LRRC40: variants seen among roughly 807,000 people sequenced by gnomAD.
The protein encoded by LRRC40 is leucine rich repeat containing 40.
A neutral mutation model predicts 72.8 loss-of-function variants in LRRC40; 76 were observed. The observed-to-expected ratio is 1.04, with a 90% CI of 0.87 to 1.26. The LOEUF (loss-of-function observed/expected upper bound fraction) is 1.26. Ranked by LOEUF, LRRC40 falls within the 50% of genes most tolerant of loss-of-function variation. The pLI, the probability that LRRC40 is intolerant of heterozygous loss-of-function variation, is 0.00. For missense variants in LRRC40, 684 were observed against 698.9 expected, an observed-to-expected ratio of 0.98 and a Z score of 0.24; for synonymous variants, 243 against 254.2, an observed-to-expected ratio of 0.96 and a Z score of 0.42.
rs754252255 is a variant in LRRC40, at chr1:70,205,479, C to T, written c.62G>A (p.Arg21Lys). Residue 21 changes from arginine (R) to lysine (K), a missense_variant, in exon 1 of 15, where the codon AGA (arginine) becomes AAA (lysine). Coordinates refer to ENST00000370952, the MANE Select transcript of LRRC40 (RefSeq NM_017768.5). ...DLRAGFKAGG[R>K]DCGTSVPQGL... ...TTGGGGTACCGAGGTACCGCAGTCT[C>T]TTCCACCTGCTTTGAAACCAGCGCG... 2 of 1,609,066 alleles carry T rather than the reference C, an allele frequency of 1.2e-6. No homozygotes were observed. Among genetic ancestry groups the T allele is most frequent in the Admixed American group, 1.7e-5 (1 of 59,928 alleles).
chr1:70,204,076 C>A (rs1233914360), intron 1 of LRRC40, among the ~76,000 whole-genome samples: 2 of 152,182 alleles, frequency 1.3e-5, no homozygotes, highest in African/African-American at 4.8e-5. Flanking sequence ...TCATCACGGA[C>A]CTAAGAGTCA....
At chr1:70,146,787 T>C (rs1423952057) in intron 14 of LRRC40, among the ~76,000 whole-genome samples, 3 of 152,192 alleles carry the variant, frequency 2.0e-5, no homozygotes, top group Admixed American at 1.3e-4. Flanking sequence ...TTTGAGCAGA[T>C]ACACATATAT....
intron 2 of LRRC40, 57 bp downstream of exon 2, chr1:70,189,035 A>C: frequency 6.8e-7 from 1 of 1,479,420 alleles, no homozygotes; most frequent in Non-Finnish European, 9.1e-7. Flanking sequence ...CCAAAGCCTA[A>C]ATTTAGCTTT....
At chr1:70,172,574 G>C (rs1241787881) in intron 9 of LRRC40, among the ~76,000 whole-genome samples, 2 of 152,080 alleles carry the variant, frequency 1.3e-5, no homozygotes, top group Non-Finnish European at 2.9e-5. Flanking sequence ...TGATCAGTCT[G>C]ACATGACCTC....
intron 9 of LRRC40, among the ~76,000 whole-genome samples, chr1:70,170,412 A>G (rs560954377): frequency 6.6e-6 from 1 of 152,322 alleles, no homozygotes; most frequent in African/African-American, 2.4e-5. Flanking sequence ...AAAGGAATAA[A>G]AGGCATCCAG....
chr1:70,196,167 A>C (rs910317333), intron 1 of LRRC40, among the ~76,000 whole-genome samples: 1 of 152,214 alleles, frequency 6.6e-6, no homozygotes, highest in Non-Finnish European at 1.5e-5. Context: ...CATAACAGCC[A>C]AAAACTGGAA....
In LRRC40 at chr1:70,193,403, G is replaced by GA. The variant is rs546815869; in HGVS notation, c.152-4131dup. On this transcript the variant is annotated intron_variant, in intron 1 of 14. Coordinates refer to ENST00000370952, the MANE Select transcript of LRRC40 (RefSeq NM_017768.5). ...ATGAAATGGATAAATCCCTAGAATA[G>GA]AAAAAAAAAAAGTACAACCACAATA... 4.3e-3 allele frequency among the ~76,000 whole-genome samples: 600 copies of GA among 140,064 alleles called. 5 individuals are homozygous for GA. Among genetic ancestry groups the GA allele is most frequent in the South Asian group, 0.035 (157 of 4,524 alleles). 91.9% of individuals were successfully genotyped at this position (140,064 alleles called of 152,430 possible).
intron 4 of LRRC40, among the ~76,000 whole-genome samples, chr1:70,183,336 G>C (rs145194943): frequency 1.3e-5 from 2 of 151,482 alleles, no homozygotes; most frequent in Non-Finnish European, 2.9e-5. Context: ...TAGTACCTTC[G>C]ATTTAATACA....
intron 6 of LRRC40, among the ~76,000 whole-genome samples, chr1:70,176,508 G>A (rs1668107517): frequency 8.5e-6 from 1 of 117,310 alleles, no homozygotes; most frequent in African/African-American, 3.3e-5. Context: ...CTCTAGCCTG[G>A]ATGACAGACC....
intron 1 of LRRC40, 61 bp from the exon 2 acceptor site, chr1:70,189,334 C>G: frequency 7.7e-7 from 1 of 1,293,806 alleles, no homozygotes; most frequent in Non-Finnish European, 1.0e-6. Context: ...AAAACCAGAA[C>G]TAGATACTAA....
At chr1:70,200,518 T>C (rs576277492) in intron 1 of LRRC40, among the ~76,000 whole-genome samples, 58 of 152,086 alleles carry the variant, frequency 3.8e-4, no homozygotes, top group African/African-American at 1.4e-3. Flanking sequence ...TATGTAAATG[T>C]GAAGAGAGAG....
chr1:70,162,513 G>A (rs780230676), intron 9 of LRRC40, among the ~76,000 whole-genome samples: 1 of 152,178 alleles, frequency 6.6e-6, no homozygotes, highest in Non-Finnish European at 1.5e-5. Context: ...CCCTCCAGGT[G>A]AGGCCAATGG....
At chr1:70,205,298 G>A (rs575477885) in intron 1 of LRRC40, 92 bp downstream of exon 1, 117 of 1,254,378 alleles carry the variant, frequency 9.3e-5, no homozygotes, top group South Asian at 9.0e-4. Context: ...GTCTGAGAAA[G>A]GGGGCCAAAG....
intron 1 of LRRC40, among the ~76,000 whole-genome samples, chr1:70,191,289 T>G (rs1001146177): frequency 6.6e-6 from 1 of 152,144 alleles, no homozygotes; most frequent in Non-Finnish European, 1.5e-5. Flanking sequence ...CATTTGTGCA[T>G]GCATTTTTTT....
At chr1:70,159,799 GA>G (rs1667716913) in intron 9 of LRRC40, among the ~76,000 whole-genome samples, 1 of 152,096 alleles carries the variant, frequency 6.6e-6, no homozygotes, top group South Asian at 2.1e-4. Context: ...GTTAATGAAA[GA>G]AAACCATTAT....
chr1:70,152,429 A>G lies in LRRC40; in HGVS notation c.1439+4T>C. 1 of 1,431,892 alleles carries G rather than the reference A, an allele frequency of 7.0e-7. No individual in the cohort carries two copies. Among genetic ancestry groups the G allele is most frequent in the Non-Finnish European group, 9.8e-7 (1 of 1,018,708 alleles). The allele number at this position is 1,431,892 out of a possible 1,614,324, so 88.7% of individuals were successfully genotyped here. ...AAAAGTCAAGCAATAGTATCAATAA[A>G]TACCTGAGATCTAAAAAAGTCAATT... On this transcript the variant is annotated splice_donor_region_variant and intron_variant, in intron 12 of 14. Transcript: ENST00000370952.
chr1:70,186,104 A>T lies in LRRC40; in HGVS notation c.407+1161T>A, dbSNP rs141482708. On this transcript the variant is annotated intron_variant, in intron 3 of 14. Transcript: ENST00000370952. ...AGTCGGTTACTGTTATTGGTTACCT[A>T]GCTGAAATCTTTGCACACTTGATAG... 5.1e-3 allele frequency among the ~76,000 whole-genome samples: 771 copies of T among 152,318 alleles called. 10 individuals carry two copies. Among genetic ancestry groups the T allele is most frequent in the African/African-American group, 0.017 (720 of 41,588 alleles).
intron 1 of LRRC40, among the ~76,000 whole-genome samples, chr1:70,197,532 G>T (rs1193749553): frequency 6.6e-6 from 1 of 151,086 alleles, no homozygotes; most frequent in Non-Finnish European, 1.5e-5. Flanking sequence ...TCCCACCTTG[G>T]CCTCCCAAAG....
intron 1 of LRRC40, among the ~76,000 whole-genome samples, chr1:70,198,843 CTAAATTTGTTAAAAAT>C (rs1668672370): frequency 6.6e-6 from 1 of 151,982 alleles, no homozygotes; most frequent in Admixed American, 6.6e-5. Flanking sequence ...CAGTACAATT[CTAAATTTGTTAAAAAT>C]AAAAAATAGG....
Sources: allele counts gnomAD v4.1 joint callset (sites outside exome capture counted in the v4.1 genomes callset), GRCh38; gene constraint gnomAD v4.1.1; transcripts MANE v1.5; gene names NCBI Gene and HGNC (gene_info 2026-07-23, HGNC 2026-07-21).